Variants in MRPS28 observed in about 807,000 individuals in gnomAD.
MRPS28 encodes mitochondrial ribosomal protein S28, also known as small ribosomal subunit protein bS1m.
Under a neutral mutation model 10.8 loss-of-function variants are expected in MRPS28, and 7 were observed. The ratio of observed to expected loss-of-function variants is 0.65; its 90% CI spans 0.37 to 1.22. MRPS28 has a LOEUF of 1.22. Ranked by LOEUF, MRPS28 falls within the 50% of genes most tolerant of loss-of-function variation. The pLI, the probability that MRPS28 is intolerant of heterozygous loss-of-function variation, is 0.02. For missense variants in MRPS28, 265 were observed against 232.9 expected (o/e 1.14, Z -0.90); for synonymous variants, 121 against 93.3 (o/e 1.30, Z -1.71).
chr8:80,029,134 C>A (rs1478353399), intron 1 of MRPS28, among the ~76,000 whole-genome samples: 1 of 152,208 alleles, frequency 6.6e-6, no homozygotes, highest in East Asian at 1.9e-4. Flanking sequence ...AACAACAACA[C>A]ATTTCCTGTG....
intron 2 of MRPS28, among the ~76,000 whole-genome samples, chr8:79,922,597 ATTAG>A (rs147643844): frequency 0.029 from 4,370 of 152,250 alleles, 87 homozygotes; most frequent in Middle Eastern, 0.075. Context: ...TACAATTTTT[ATTAG>A]TTAAAAAATA....
chr8:79,930,028 C>A (rs1314367422), intron 2 of MRPS28, among the ~76,000 whole-genome samples: 1 of 152,194 alleles, frequency 6.6e-6, no homozygotes, highest in Non-Finnish European at 1.5e-5. Context: ...TCATTTAACT[C>A]TGGTAGACCA....
intron 2 of MRPS28, among the ~76,000 whole-genome samples, chr8:79,977,092 T>C (rs1473582970): frequency 1.3e-5 from 2 of 152,204 alleles, no homozygotes; most frequent in Non-Finnish European, 2.9e-5. Flanking sequence ...AAAAAAATGC[T>C]ACACAATAAA....
intron 2 of MRPS28, among the ~76,000 whole-genome samples, chr8:79,922,109 A>G (rs1222701125): frequency 6.6e-6 from 1 of 152,136 alleles, no homozygotes; most frequent in Non-Finnish European, 1.5e-5. Context: ...ACTTTATTTT[A>G]AAGTAAAATT....
chr8:79,926,083 T>C (rs1390856995), intron 2 of MRPS28, among the ~76,000 whole-genome samples: 4 of 152,046 alleles, frequency 2.6e-5, no homozygotes, highest in Non-Finnish European at 5.9e-5. Flanking sequence ...AGTCTATTTT[T>C]ATTAAAAAAC....
intron 1 of MRPS28, chr8:80,029,639 GCTAGA>G (rs1426502794): frequency 6.7e-6 from 6 of 896,166 alleles, no homozygotes; most frequent in African/African-American, 3.5e-5. Context: ...CAAGCTCCAT[GCTAGA>G]GCTACTGTTC....
intron 1 of MRPS28, among the ~76,000 whole-genome samples, chr8:80,014,151 T>C (rs1809134386): frequency 6.6e-6 from 1 of 152,114 alleles, no homozygotes; most frequent in Non-Finnish European, 1.5e-5. Flanking sequence ...AGCTCAGTCA[T>C]GCCAGGCTGC....
chr8:79,924,576 T>C (rs574364752), intron 2 of MRPS28, among the ~76,000 whole-genome samples: 1 of 152,326 alleles, frequency 6.6e-6, no homozygotes, highest in Non-Finnish European at 1.5e-5. Context: ...TATTCTACTT[T>C]TAAACAATTG....
intron 2 of MRPS28, among the ~76,000 whole-genome samples, chr8:79,934,217 C>T (rs1222109986): frequency 6.6e-6 from 1 of 152,140 alleles, no homozygotes. Flanking sequence ...GTTAATTTTT[C>T]TGCGTCTTAC....
At chr8:80,013,612 C>CA (rs1183545376) in intron 1 of MRPS28, among the ~76,000 whole-genome samples, 2 of 68,954 alleles carry the variant, frequency 2.9e-5, no homozygotes, top group African/African-American at 6.6e-5. Context: ...CCAGCCTGGG[C>CA]AAAAAGAGCA....
At chr8:79,958,715 G>C (rs1185840852) in intron 2 of MRPS28, among the ~76,000 whole-genome samples, 1 of 152,152 alleles carries the variant, frequency 6.6e-6, no homozygotes, top group Non-Finnish European at 1.5e-5. Context: ...ACTAACAAAT[G>C]TGATGTGTGC....
At chr8:79,945,029 AT>A (rs1309398406) in intron 2 of MRPS28, among the ~76,000 whole-genome samples, 1 of 152,076 alleles carries the variant, frequency 6.6e-6, no homozygotes, top group Non-Finnish European at 1.5e-5. Context: ...AAAACTTCAA[AT>A]TCAACATATG....
rs370979832 is a variant in MRPS28 at position 79,919,914 on chromosome 8, G to A, written c.396-766C>T. Among the ~76,000 whole-genome samples, 636 of 149,866 alleles carry A rather than the reference G, an allele frequency of 4.2e-3. 3 individuals carry two copies. Among genetic ancestry groups the A allele is most frequent in the African/African-American group, 9.4e-3 (384 of 40,780 alleles). On this transcript the variant is annotated intron_variant, in intron 2 of 2. Coordinates refer to ENST00000276585, the MANE Select transcript of MRPS28 (RefSeq NM_014018.3). ...CTGCACCCATTAACTCGTCATTTAC[G>A]TTAGGTATATCTCCTAATGCTATCC...
In MRPS28 at chr8:80,004,682, T is replaced by C. The variant is rs184167935; in HGVS notation, c.214-1502A>G. Among the ~76,000 whole-genome samples, 5 of 152,256 alleles carry C rather than the reference T, an allele frequency of 3.3e-5. No individual in the cohort carries two copies. The East Asian group carries it at 9.7e-4, about 29-fold the overall frequency. Reference sequence around the variant, plus strand: ...AGAAGAAGGCTTCAGACGATCAAACTTCTCTAAGCTAAAGAAGGAAGTCAG... The same window carrying C: ...AGAAGAAGGCTTCAGACGATCAAACCTCTCTAAGCTAAAGAAGGAAGTCAG... On this transcript the variant is annotated intron_variant, in intron 1 of 2. Transcript: ENST00000276585.
intron 1 of MRPS28, among the ~76,000 whole-genome samples, chr8:80,005,224 G>A (rs1808797707): frequency 6.6e-6 from 1 of 152,070 alleles, no homozygotes; most frequent in Admixed American, 6.6e-5. Flanking sequence ...AAATGTTAAG[G>A]GCAGCCAGAG....
intron 2 of MRPS28, among the ~76,000 whole-genome samples, chr8:79,923,915 T>C (rs956865022): frequency 2.6e-5 from 4 of 152,218 alleles, no homozygotes; most frequent in Non-Finnish European, 5.9e-5. Context: ...TTAAAGACTT[T>C]CCTTTGGAGA....
In MRPS28 at chr8:79,946,425, GATTT is replaced by G. The variant is rs564274326; in HGVS notation, c.396-27281_396-27278del. ...ACAACCCTCCTAGCCAAAATAGTCT[GATTT>G]ATTTAATTGGAATCCAATTTAATGT... On this transcript the variant is annotated intron_variant, in intron 2 of 2. Transcript: ENST00000276585. Among the ~76,000 whole-genome samples the G allele has an allele frequency of 2.2e-3, 332 of 152,122 alleles. 5 individuals carry two copies. Among genetic ancestry groups the G allele is most frequent in the African/African-American group, 7.6e-3 (317 of 41,534 alleles).
intron 2 of MRPS28, among the ~76,000 whole-genome samples, chr8:79,949,287 G>A (rs1043327331): frequency 2.6e-5 from 4 of 151,952 alleles, no homozygotes; most frequent in African/African-American, 4.8e-5. Context: ...TGTGGTAGGC[G>A]CCTGTAATCC....
intron 2 of MRPS28, among the ~76,000 whole-genome samples, chr8:79,979,876 AAAC>A (rs924588770): frequency 2.0e-5 from 3 of 148,522 alleles, no homozygotes; most frequent in African/African-American, 4.9e-5. Context: ...CAAGCTGCTA[AAAC>A]AACCCCAGTA....
Sources: allele counts gnomAD v4.1 joint callset (sites outside exome capture counted in the v4.1 genomes callset), GRCh38; gene constraint gnomAD v4.1.1; transcripts MANE v1.5; gene names NCBI Gene and HGNC (gene_info 2026-07-23, HGNC 2026-07-21).